NAV1: variants seen among roughly 807,000 people sequenced by gnomAD.
NAV1 encodes the protein neuron navigator 1.
Under a neutral mutation model 175.2 loss-of-function variants are expected in NAV1, and 18 were observed. The ratio of observed to expected loss-of-function variants is 0.10; its 90% confidence interval spans 0.07 to 0.15. The LOEUF is 0.15. Among genes scored for constraint, NAV1 ranks in the 10% least tolerant of loss-of-function variants. The probability of loss-of-function intolerance (pLI) is 1.00; values close to 1 mark genes in which losing one functional copy is unlikely to be tolerated. For synonymous variants in NAV1, 897 were observed against 978.7 expected, an observed-to-expected ratio of 0.92 and a Z score of 1.56; for missense variants, 1,731 against 2,436.6, an observed-to-expected ratio of 0.71 and a Z score of 6.10.
chr1:201,679,844 A>G (rs1670396612), intron 1 of NAV1, among the ~76,000 whole-genome samples: 1 of 152,194 alleles, frequency 6.6e-6, no homozygotes, highest in Non-Finnish European at 1.5e-5. Context: ...TGTCATTCCT[A>G]TATAAATCAT....
intron 3 of NAV1, among the ~76,000 whole-genome samples, chr1:201,754,173 C>T (rs1206855831): frequency 6.6e-6 from 1 of 152,130 alleles, no homozygotes; most frequent in Admixed American, 6.5e-5. Context: ...CTACTCTGTG[C>T]CAGACCCTTC....
rs1425159140 is a variant in NAV1, at chr1:201,810,901, CCTCT to C, written c.4797+146_4797+149del. Reference sequence around the variant, plus strand: ...CTTCTCTTCTGTGTTCATTTCCTTCCCTCTCTATCTATCCCCTTTTCCAGTCTTC... The same window carrying C: ...CTTCTCTTCTGTGTTCATTTCCTTCCCTATCTATCCCCTTTTCCAGTCTTC... On this transcript the variant is annotated intron_variant, in intron 24 of 29. Transcript: ENST00000367296. This position sits in a 1 kb window ranked among gnomAD's most constrained non-coding sequence, Gnocchi z 6.0. 3 of 648,214 alleles carry C rather than the reference CCTCT, an allele frequency of 4.6e-6. No individual in the cohort carries two copies. Among genetic ancestry groups the C allele is most frequent in the South Asian group, 3.8e-5 (2 of 51,956 alleles). The allele number at this position is 648,214 out of a possible 1,614,324, so 40.2% of individuals were successfully genotyped here.
chr1:201,824,661 A>G (rs995609402), exon 30 of NAV1: 2 of 151,856 alleles, frequency 1.3e-5, no homozygotes, highest in African/African-American at 4.8e-5. Context: ...TTCCAGTTTG[A>G]TGGTTTGGTC....
chr1:201,592,902 C>A (rs1306302090), intron 2 of NAV1, among the ~76,000 whole-genome samples: 1 of 152,080 alleles, frequency 6.6e-6, no homozygotes, highest in Non-Finnish European at 1.5e-5. Flanking sequence ...GTGGCCCTCT[C>A]CTATCACTCT....
chr1:201,824,762 A>C (rs1253694207), exon 30 of NAV1: 1 of 152,088 alleles, frequency 6.6e-6, no homozygotes, highest in African/African-American at 2.4e-5. Context: ...TCATTCCTTA[A>C]AGCAGTGGTT....
rs141630045 is a variant in NAV1, at chr1:201,682,866, A to C, written c.758-29951A>C. ...ACTTTTAATATTAGAATAGTTTTAGATTTACAGAAAAGTTGCAAGGCTAGT... is the reference window on the plus strand; with the variant it reads ...ACTTTTAATATTAGAATAGTTTTAGCTTTACAGAAAAGTTGCAAGGCTAGT... On this transcript the variant is annotated intron_variant, in intron 1 of 29. Coordinates refer to ENST00000367296, the Ensembl canonical transcript of NAV1. Among the ~76,000 whole-genome samples, 17 of 152,314 alleles carry C rather than the reference A, an allele frequency of 1.1e-4. No homozygotes were observed. The East Asian group carries it at 2.3e-3, about 21-fold the overall frequency.
chr1:201,780,643 T>A, intron 4 of NAV1, 84 bp downstream of exon 8: 1 of 1,553,260 alleles, frequency 6.4e-7, no homozygotes, highest in South Asian at 1.2e-5. Context: ...GGGTTGCACG[T>A]ACACACCCAC....
intron 1 of NAV1, among the ~76,000 whole-genome samples, chr1:201,651,759 G>C (rs545244622): frequency 6.6e-6 from 1 of 152,082 alleles, no homozygotes; most frequent in Non-Finnish European, 1.5e-5. Context: ...GAACTGCCTC[G>C]ATGACCCTAC....
Position 201,812,423 on chromosome 1 carries a change from C to A in NAV1, c.5025-42C>A. 2 of 1,580,856 alleles carry A rather than the reference C, an allele frequency of 1.3e-6. No individual in the cohort carries two copies. The highest frequency in any genetic ancestry group is 1.1e-5 in the South Asian group (1 of 89,874). ...CAGGGGCTGAACCCTGACAATGTCCCCATTGCCACTCTGACCCCACTTTCC... is the reference window on the plus strand; with the variant it reads ...CAGGGGCTGAACCCTGACAATGTCCACATTGCCACTCTGACCCCACTTTCC... On this transcript the variant is annotated intron_variant, in intron 26 of 29. Coordinates refer to ENST00000367296, the Ensembl canonical transcript of NAV1. This position sits in a 1 kb window ranked among gnomAD's most constrained non-coding sequence, Gnocchi z 4.6.
At chr1:201,660,456 ACT>A (rs1669565994) in intron 1 of NAV1, among the ~76,000 whole-genome samples, 1 of 152,002 alleles carries the variant, frequency 6.6e-6, no homozygotes, top group African/African-American at 2.4e-5. Flanking sequence ...GCACCCCAGG[ACT>A]CTCTGAGGTT....
chr1:201,588,579 C>T (rs1385237909), exon 2 of NAV1, among the ~76,000 whole-genome samples: 1 of 150,880 alleles, frequency 6.6e-6, no homozygotes, highest in Non-Finnish European at 1.5e-5. Context: ...GTCTGAACTC[C>T]TAGCCTCAAG....
chr1:201,792,226 T>G (rs1357281225), intron 13 of NAV1: 3 of 151,864 alleles, frequency 2.0e-5, no homozygotes, highest in African/African-American at 7.3e-5. Flanking sequence ...GGAGATGGGA[T>G]GCTGGGACTC....
chr1:201,583,966 C>T (rs1666949299), intron 1 of NAV1, among the ~76,000 whole-genome samples: 1 of 152,320 alleles, frequency 6.6e-6, no homozygotes, highest in South Asian at 2.1e-4. Context: ...ACTCCAACTT[C>T]GTCCTCTGAA....
At chr1:201,775,784 G>T (rs757341199) in intron 3 of NAV1, among the ~76,000 whole-genome samples, 4 of 152,140 alleles carry the variant, frequency 2.6e-5, no homozygotes, top group Non-Finnish European at 5.9e-5. Context: ...AAGCCTGGGC[G>T]CAGTGGCTCG....
At chr1:201,753,552 T>G (rs906772776) in intron 3 of NAV1, among the ~76,000 whole-genome samples, 1 of 152,214 alleles carries the variant, frequency 6.6e-6, no homozygotes, top group Non-Finnish European at 1.5e-5. Flanking sequence ...ATAGTGCTTC[T>G]CCAGTGACTC....
intron 3 of NAV1, among the ~76,000 whole-genome samples, chr1:201,770,126 G>A (rs1314710207): frequency 6.6e-6 from 1 of 152,182 alleles, no homozygotes; most frequent in African/African-American, 2.4e-5. Flanking sequence ...GGGAGCAGAC[G>A]GTGTGAGAGA....
In NAV1 at chr1:201,808,203, G is replaced by C. The variant is rs1678430935; in HGVS notation, c.3845+54G>C. Reference sequence around the variant, plus strand: ...AGCCTGTTACCAGTGTAAGCTGTGGGCTAGAGTTGACAGGAGGCCATTAGA... The same window carrying C: ...AGCCTGTTACCAGTGTAAGCTGTGGCCTAGAGTTGACAGGAGGCCATTAGA... On this transcript the variant is annotated intron_variant, in intron 18 of 29. Transcript: ENST00000367296. The surrounding 1 kb of genome is among the most constrained non-coding windows in gnomAD (Gnocchi z 5.5). 6.3e-7 allele frequency: 1 copy of C among 1,593,702 alleles called. No individual in the cohort carries two copies. The highest frequency in any genetic ancestry group is 8.6e-7 in the Non-Finnish European group (1 of 1,164,874).
chr1:201,771,238 CA>C (rs3054144), intron 3 of NAV1, among the ~76,000 whole-genome samples: 94 of 92,696 alleles, frequency 1.0e-3, no homozygotes, highest in East Asian at 4.9e-3. Flanking sequence ...GACTCCGTCT[CA>C]AAAAAAAAAA....
intron 15 of NAV1, among the ~76,000 whole-genome samples, chr1:201,802,109 C>G (rs1038975612): frequency 8.9e-6 from 1 of 111,940 alleles, no homozygotes; most frequent in Admixed American, 1.0e-4. Context: ...TGCACTCCAG[C>G]CTGGGCGACA....
Sources: gnomAD v4.1 joint callset for allele counts (sites outside exome capture counted in the v4.1 genomes callset) on GRCh38, gnomAD v4.1.1 for gene constraint, Gnocchi (gnomAD v3.1) non-coding constraint, MANE v1.5 for transcripts, NCBI Gene and HGNC (gene_info 2026-07-23, HGNC 2026-07-21) for gene names.